The following TNXB variants were observed in gnomAD, a reference collection of about 807,000 sequenced individuals.
TNXB encodes tenascin-X.
TNXB carries 183 observed loss-of-function variants against 340.5 expected under a neutral mutation model. The ratio of observed to expected loss-of-function variants is 0.54; its 90% CI spans 0.48 to 0.61. The LOEUF (loss-of-function observed/expected upper bound fraction) is 0.61. Ranked by LOEUF, TNXB falls within the 20% of genes least tolerant of loss-of-function variation. TNXB has a pLI of 0.00. For synonymous variants in TNXB, 2,121 were observed against 2,314.5 expected, an observed-to-expected ratio of 0.92 and a Z score of 2.40; for missense variants, 4,613 against 5,446.4, an observed-to-expected ratio of 0.85 and a Z score of 4.82.
rs781377594 is a variant in TNXB at position 32,068,553 on chromosome 6, G to C, written c.6057C>G (p.Val2019=). 1.2e-6 allele frequency: 2 copies of C among 1,613,890 alleles called. No individual in the cohort carries two copies. Among genetic ancestry groups the C allele is most frequent in the Non-Finnish European group, 1.7e-6 (2 of 1,179,918 alleles). The change falls in exon 17 of 44, where the codon GTC becomes GTG. Residue 2019 remains valine, a synonymous_variant. Coordinates refer to ENST00000644971, the MANE Select transcript of TNXB (RefSeq NM_001365276.2). The surrounding 1 kb of genome is among the most constrained non-coding windows in gnomAD (Gnocchi z 5.3). ...VPEGQFDHFL[V]QYRNGDGQPK... ...GCTGCCCATCTCCATTCCTGTACTG[G>C]ACCAGGAAGTGGTCAAACTGTCCCT...
At position 32,069,718 on chromosome 6, in the gene TNXB, CCACA is replaced by C; in HGVS notation, c.5418_5421del (p.Phe1806LeufsTer81). The C allele has an allele frequency of 6.2e-7, 1 of 1,613,244 alleles. No individual in the cohort carries two copies. ...TGCCCGTCCCTGTCTTTGTACTGGACCACAAAGGAGTCAAACTGGCCCTCAGGGA... is the reference window on the plus strand; with the variant it reads ...TGCCCGTCCCTGTCTTTGTACTGGACAAGGAGTCAAACTGGCCCTCAGGGA... On this transcript the variant is annotated frameshift_variant, in exon 15 of 44. Coordinates refer to ENST00000644971, the MANE Select transcript of TNXB (RefSeq NM_001365276.2). LOFTEE classifies it high-confidence loss of function. This position sits in a 1 kb window ranked among gnomAD's most constrained non-coding sequence, Gnocchi z 6.2.
chr6:32,104,829 ATCTT>A (rs1161129917), intron 1 of TNXB, among the ~76,000 whole-genome samples: 1 of 151,702 alleles, frequency 6.6e-6, no homozygotes, highest in African/African-American at 2.4e-5. Context: ...CAAAGACAGG[ATCTT>A]TCTATGTTGC....
intron 19 of TNXB, among the ~76,000 whole-genome samples, chr6:32,063,856 G>C (rs1405113392): frequency 1.3e-5 from 2 of 152,148 alleles, no homozygotes; most frequent in Non-Finnish European, 2.9e-5. Context: ...CCGAGTTACA[G>C]GGTAATGAAA....
Position 32,082,453 on chromosome 6 carries a change from G to A in TNXB, c.3446-127C>T. On this transcript the variant is annotated intron_variant, in intron 8 of 43. Coordinates refer to ENST00000644971, the MANE Select transcript of TNXB (RefSeq NM_001365276.2). The surrounding 1 kb of genome is among the most constrained non-coding windows in gnomAD (Gnocchi z 5.0). Reference sequence around the variant, plus strand: ...ACTGCACAAAAGTGCATTTGCTGAGGGAGTACAGAGGGACTGAAATCCAGC... The same window carrying A: ...ACTGCACAAAAGTGCATTTGCTGAGAGAGTACAGAGGGACTGAAATCCAGC... 2 of 959,132 alleles carry A rather than the reference G, an allele frequency of 2.1e-6. No individual in the cohort carries two copies. Among genetic ancestry groups the A allele is most frequent in the Non-Finnish European group, 3.1e-6 (2 of 652,654 alleles). 59.4% of individuals were successfully genotyped at this position (959,132 alleles called of 1,614,324 possible).
At position 32,067,139 on chromosome 6, in the gene TNXB, G is replaced by GAAAGAA. The variant is rs1258441192; in HGVS notation, c.6544+516_6544+521dup. On this transcript the variant is annotated intron_variant, in intron 18 of 43. Transcript: ENST00000644971. This position sits in a 1 kb window ranked among gnomAD's most constrained non-coding sequence, Gnocchi z 4.2. Reference sequence around the variant, plus strand: ...AGAAAGAAAGAAAGGAAGGAAGAAAGAAAGAAAGAAAGAAAGAAAGAAAGA... The same window carrying GAAAGAA: ...AGAAAGAAAGAAAGGAAGGAAGAAAGAAAGAAAAAGAAAGAAAGAAAGAAAGAAAGA... Among the ~76,000 whole-genome samples, 218 of 116,184 alleles carry GAAAGAA rather than the reference G, an allele frequency of 1.9e-3. No individual in the cohort carries two copies. Among genetic ancestry groups the GAAAGAA allele is most frequent in the African/African-American group, 5.3e-3 (150 of 28,118 alleles). The allele number at this position is 116,184 out of a possible 152,430, so 76.2% of individuals were successfully genotyped here. A position where few individuals can be genotyped will look rare whatever the true frequency, so the allele number is the denominator to read the frequency against.
At chr6:32,053,074 T>G in intron 25 of TNXB, 81 bp from the exon 26 acceptor site, 4 of 1,445,840 alleles carry the variant, frequency 2.8e-6, no homozygotes, top group Non-Finnish European at 3.8e-6. Context: ...AGCGAAGCTG[T>G]GGCCATGAGT....
In TNXB at chr6:32,087,296, G is replaced by A. The variant is rs1310306415; in HGVS notation, c.2780-1178C>T. The A allele has an allele frequency of 6.0e-6, 3 of 499,550 alleles. No homozygotes were observed. Among genetic ancestry groups the A allele is most frequent in the South Asian group, 1.5e-5 (1 of 68,394 alleles). 30.9% of individuals were successfully genotyped at this position (499,550 alleles called of 1,614,324 possible). On this transcript the variant is annotated intron_variant, in intron 6 of 43. Coordinates refer to ENST00000644971, the MANE Select transcript of TNXB (RefSeq NM_001365276.2). This position sits in a 1 kb window ranked among gnomAD's most constrained non-coding sequence, Gnocchi z 9.0. Reference sequence around the variant, plus strand: ...TAGGACTTGGAGGTCTGCCCCGCCCGCACCCCGTGGACCTCCACGTGGTAG... The same window carrying A: ...TAGGACTTGGAGGTCTGCCCCGCCCACACCCCGTGGACCTCCACGTGGTAG...
In TNXB at chr6:32,096,682, C is replaced by T; in HGVS notation, c.1171G>A (p.Asp391Asn). Residue 391 changes from aspartate (D) to asparagine (N), a missense_variant, in exon 3 of 44, where the codon GAC (aspartate) becomes AAC (asparagine). Physicochemically the swap from Asp to Asn is conservative, Grantham distance 23. This residue lies in a region of TNXB where 4,327 missense variants were observed against 4,859.4 expected (regional missense o/e 0.89). Transcript: ENST00000644971. Reference protein sequence around the residue: ...GRCEDGECICDTGYSGDDCGV... With the variant: ...GRCEDGECICNTGYSGDDCGV... ...CAGTCGTCCCCGCTGTAGCCCGTGT[C>T]GCAAATGCATTCGCCGTCCTCGCAG... 6.5e-7 allele frequency: 1 copy of T among 1,549,784 alleles called. No individual in the cohort carries two copies.
chr6:32,092,569 A>G (rs934181319), intron 4 of TNXB, among the ~76,000 whole-genome samples: 27 of 152,226 alleles, frequency 1.8e-4, no homozygotes, highest in African/African-American at 6.5e-4. Context: ...AGGTGTCTGT[A>G]ATCCCAGCTA....
At chr6:32,057,030 C>T in intron 22 of TNXB, 127 bp from the exon 23 acceptor site, 1 of 1,233,208 alleles carries the variant, frequency 8.1e-7, no homozygotes, top group Non-Finnish European at 1.1e-6. Context: ...CCCTCCAGCA[C>T]AGCTCTTCAT....
At chr6:32,050,431 C>T (rs531399801) in intron 26 of TNXB, 110 bp from the exon 27 acceptor site, 8 of 1,370,188 alleles carry the variant, frequency 5.8e-6, no homozygotes, top group Middle Eastern at 2.4e-4. Context: ...CTGCCCACAG[C>T]GCCTCCAGCA....
At position 32,096,859 on chromosome 6, in the gene TNXB, A is replaced by G. The variant is rs1780422878; in HGVS notation, c.994T>C (p.Tyr332His). ...KDGRCVCDPG[Y>H]TGEDCGTRSC... ...CGCGTACCACAGTCCTCGCCAGTGT[A>G]GCCGGGGTCACACACGCAGCGCCCG... The change falls in exon 3 of 44, where the codon TAC becomes CAC. Residue 332 changes from tyrosine to histidine, a missense_variant. Physicochemically the swap from Tyr to His is moderately conservative, Grantham distance 83. This residue lies in a region of TNXB where 4,327 missense variants were observed against 4,859.4 expected (regional missense o/e 0.89). Transcript: ENST00000644971. 6.2e-7 allele frequency: 1 copy of G among 1,607,616 alleles called. No individual in the cohort carries two copies. Among genetic ancestry groups the G allele is most frequent in the Non-Finnish European group, 8.5e-7 (1 of 1,177,444 alleles).
chr6:32,095,913 C>A lies in TNXB; in HGVS notation c.1940G>T (p.Cys647Phe), dbSNP rs1348155802. Reference sequence around the variant, plus strand: ...GTCAGCCGGGCACATGCGGGTGGCACAGGTAGGGCCGGTGTAGCCTGGGTC... The same window carrying A: ...GTCAGCCGGGCACATGCGGGTGGCAAAGGTAGGGCCGGTGTAGCCTGGGTC... ...LCDPGYTGPTCATRMCPADCR... is the reference protein window; with the variant it reads ...LCDPGYTGPTFATRMCPADCR... Residue 647 changes from cysteine to phenylalanine, a missense_variant, in exon 3 of 44, where the codon TGT (cysteine) becomes TTT (phenylalanine). Physicochemically the swap from Cys to Phe is radical, Grantham distance 205. This residue lies in a region of TNXB where 4,327 missense variants were observed against 4,859.4 expected (regional missense o/e 0.89). Transcript: ENST00000644971. The A allele has an allele frequency of 6.2e-7, 1 of 1,612,796 alleles. No homozygotes were observed.
chr6:32,089,439 C>T lies in TNXB; in HGVS notation c.2359-60G>A. 6.5e-7 allele frequency: 1 copy of T among 1,539,156 alleles called. No individual in the cohort carries two copies. Among genetic ancestry groups the T allele is most frequent in the South Asian group, 1.2e-5 (1 of 82,602 alleles). On this transcript the variant is annotated intron_variant, in intron 4 of 43. Coordinates refer to ENST00000644971, the MANE Select transcript of TNXB (RefSeq NM_001365276.2). This position sits in a 1 kb window ranked among gnomAD's most constrained non-coding sequence, Gnocchi z 6.2. Reference sequence around the variant, plus strand: ...GCACTCTTGCCTCTGCTGCTCAATCCCCCTTATCTCTTCTTTCTCCAATTC... The same window carrying T: ...GCACTCTTGCCTCTGCTGCTCAATCTCCCTTATCTCTTCTTTCTCCAATTC...
In TNXB at chr6:32,089,529, G is replaced by A; in HGVS notation, c.2359-150C>T. On this transcript the variant is annotated intron_variant, in intron 4 of 43. Transcript: ENST00000644971. The surrounding 1 kb of genome is among the most constrained non-coding windows in gnomAD (Gnocchi z 6.2). ...GTACAAGCTGGGGAGCAAACATGCT[G>A]AGAGCGCTAACTCCTTGTGAGCCAC... 1 of 1,047,354 alleles carries A rather than the reference G, an allele frequency of 9.5e-7. No individual in the cohort carries two copies. The highest frequency in any genetic ancestry group is 2.6e-5 in the East Asian group (1 of 38,162). 64.9% of individuals were successfully genotyped at this position (1,047,354 alleles called of 1,614,324 possible). A position where few individuals can be genotyped will look rare whatever the true frequency, so the allele number is the denominator to read the frequency against.
rs769474273 is a variant in TNXB, at chr6:32,052,923, G to A, written c.8862C>T (p.Leu2954=). 1.4e-5 allele frequency: 22 copies of A among 1,612,726 alleles called. No individual in the cohort carries two copies. The highest frequency in any genetic ancestry group is 2.7e-5 in the African/African-American group (2 of 74,926). The change falls in exon 26 of 44, where the codon CTC becomes CTT. Residue 2954 remains leucine, a synonymous_variant. Transcript: ENST00000644971. This position sits in a 1 kb window ranked among gnomAD's most constrained non-coding sequence, Gnocchi z 4.7. ...ATCCTGTCACTGTCAGCTCCCCCAG[G>A]AGCGGCTCCTCAGGGGGCTCCGGGG... ...TEAPEPPEEP[L]LGELTVTGSS...
At chr6:32,092,991 A>G (rs1413047690) in intron 4 of TNXB, among the ~76,000 whole-genome samples, 1 of 152,252 alleles carries the variant, frequency 6.6e-6, no homozygotes, top group African/African-American at 2.4e-5. Context: ...TGAGGGAGAA[A>G]GTCTAGGGCT....
chr6:32,056,132 T>C lies in TNXB; in HGVS notation c.8186A>G (p.Glu2729Gly), dbSNP rs749055881. The change falls in exon 24 of 44, where the codon GAG (glutamate) becomes GGG (glycine). Residue 2729 changes from glutamate (E) to glycine (G), a missense_variant. Glu to Gly is a moderately conservative substitution (Grantham distance 98). Transcript: ENST00000644971. ...CGGCTCCTCAGGGGGCTCCGGGGCC[T>C]CAGTGCTGAGTTCCGTGGGGCTGGG... ...ETPSPTELST[E>G]APEPPEEPLL... 39 of 1,612,196 alleles carry C rather than the reference T, an allele frequency of 2.4e-5. 1 individual carries two copies. The highest frequency in any genetic ancestry group is 3.2e-5 in the Non-Finnish European group (38 of 1,179,692).
In TNXB at chr6:32,088,018, A is replaced by C. The variant is rs555075298; in HGVS notation, c.2779+767T>G. 3.2e-3 allele frequency: 921 copies of C among 285,034 alleles called. 5 individuals carry two copies. The highest frequency in any genetic ancestry group is 0.013 in the Middle Eastern group (10 of 762). 17.7% of individuals were successfully genotyped at this position (285,034 alleles called of 1,614,324 possible). A position where few individuals can be genotyped will look rare whatever the true frequency, so the allele number is the denominator to read the frequency against. ...TGCCAGGGGCAAAAAAGGGGAGAACAGGTCAGTGGCAGCTCCCTCCCGGCA... is the reference window on the plus strand; with the variant it reads ...TGCCAGGGGCAAAAAAGGGGAGAACCGGTCAGTGGCAGCTCCCTCCCGGCA... On this transcript the variant is annotated intron_variant, in intron 6 of 43. Transcript: ENST00000644971.
Sources: allele counts gnomAD v4.1 joint callset (sites outside exome capture counted in the v4.1 genomes callset), GRCh38; gene constraint gnomAD v4.1.1; regional missense constraint gnomAD v4.1.1; non-coding constraint Gnocchi (gnomAD v3.1); transcripts MANE v1.5; gene names NCBI Gene and HGNC (gene_info 2026-07-23, HGNC 2026-07-21).